TRABD2B: variants seen among roughly 807,000 people sequenced by gnomAD.
The protein encoded by TRABD2B is TraB domain containing 2B.
Under a neutral mutation model 40.1 loss-of-function variants are expected in TRABD2B, and 14 were observed. The ratio of observed to expected loss-of-function variants is 0.35; its 90% CI spans 0.23 to 0.55. TRABD2B has a LOEUF of 0.55. TRABD2B is among the 20% of genes least tolerant of loss of function. The pLI, the probability that TRABD2B is intolerant of heterozygous loss-of-function variation, is 0.90. For synonymous variants in TRABD2B, 263 were observed against 277.0 expected (o/e 0.95, Z 0.50); for missense variants, 541 against 648.6 (o/e 0.83, Z 1.80).
intron 2 of TRABD2B, among the ~76,000 whole-genome samples, chr1:47,815,018 C>T (rs1039757331): frequency 6.6e-6 from 1 of 152,138 alleles, no homozygotes; most frequent in African/African-American, 2.4e-5. Context: ...GAGAGGGCAG[C>T]AAAGTGCCCA....
intron 2 of TRABD2B, among the ~76,000 whole-genome samples, chr1:47,856,775 C>T (rs1163805909): frequency 6.6e-6 from 1 of 152,236 alleles, no homozygotes; most frequent in Non-Finnish European, 1.5e-5. Flanking sequence ...CCCACAAACT[C>T]TTTTTATCCC....
At chr1:47,775,560 G>T in intron 5 of TRABD2B, 121 bp from the exon 6 acceptor site, 1 of 1,043,864 alleles carries the variant, frequency 9.6e-7, no homozygotes, top group Non-Finnish European at 1.2e-6. Flanking sequence ...GGGTGCCCCT[G>T]CTGGGCCCGG....
At chr1:47,990,741 A>G (rs959306222) in intron 2 of TRABD2B, among the ~76,000 whole-genome samples, 1 of 133,732 alleles carries the variant, frequency 7.5e-6, no homozygotes, top group Non-Finnish European at 1.6e-5. Context: ...CCAAGATTAT[A>G]TACAAGTTGT....
chr1:47,888,907 CTTG>C (rs1410528869), intron 2 of TRABD2B, among the ~76,000 whole-genome samples: 1 of 152,188 alleles, frequency 6.6e-6, no homozygotes, highest in Non-Finnish European at 1.5e-5. Flanking sequence ...ATGATGGGGG[CTTG>C]TTGTCACAAC....
intron 2 of TRABD2B, among the ~76,000 whole-genome samples, chr1:47,904,120 C>T (rs967853042): frequency 6.6e-6 from 1 of 152,178 alleles, no homozygotes; most frequent in Non-Finnish European, 1.5e-5. Flanking sequence ...TAACAGGGCA[C>T]TGATTGTGAG....
chr1:47,786,551 G>C (rs1644598170), intron 4 of TRABD2B, among the ~76,000 whole-genome samples: 1 of 152,270 alleles, frequency 6.6e-6, no homozygotes, highest in Non-Finnish European at 1.5e-5. Flanking sequence ...CCAGTTGCCA[G>C]ATGCATGCGT....
At chr1:47,794,544 C>T in intron 4 of TRABD2B, 42 bp downstream of exon 4, 9 of 1,482,158 alleles carry the variant, frequency 6.1e-6, no homozygotes, top group Non-Finnish European at 8.1e-6. Flanking sequence ...AGCAAATCTC[C>T]CAGGATTCTG....
chr1:47,909,814 T>TCCCTCCCTC (rs1557651492), intron 2 of TRABD2B, among the ~76,000 whole-genome samples: 1 of 27,330 alleles, frequency 3.7e-5, no homozygotes, highest in Non-Finnish European at 6.9e-5. Flanking sequence ...CTCCCTTCCT[T>TCCCTCCCTC]CCTTCCTTCC....
At chr1:47,910,384 A>C (rs1644746269) in intron 2 of TRABD2B, among the ~76,000 whole-genome samples, 1 of 152,206 alleles carries the variant, frequency 6.6e-6, no homozygotes, top group East Asian at 1.9e-4. Flanking sequence ...AGCCAGGATC[A>C]GGGACTCCTC....
At chr1:47,873,447 A>G (rs1644173381) in intron 2 of TRABD2B, among the ~76,000 whole-genome samples, 1 of 152,140 alleles carries the variant, frequency 6.6e-6, no homozygotes, top group African/African-American at 2.4e-5. Context: ...CTCACTGTCT[A>G]AAGAGCTCCA....
At chr1:47,822,118 A>C (rs961751622) in intron 2 of TRABD2B, among the ~76,000 whole-genome samples, 1 of 150,118 alleles carries the variant, frequency 6.7e-6, no homozygotes, top group Non-Finnish European at 1.5e-5. Context: ...AAATAGATGC[A>C]CACAGACCTC....
intron 2 of TRABD2B, among the ~76,000 whole-genome samples, chr1:47,824,485 C>T (rs1364007842): frequency 2.0e-5 from 3 of 152,198 alleles, no homozygotes; most frequent in Admixed American, 6.5e-5. Flanking sequence ...ATGGGGTTAA[C>T]ACACCCACTT....
At chr1:47,787,625 T>C (rs780630134) in intron 4 of TRABD2B, among the ~76,000 whole-genome samples, 7 of 152,194 alleles carry the variant, frequency 4.6e-5, no homozygotes, top group Non-Finnish European at 8.8e-5. Flanking sequence ...CCTGTCAATC[T>C]AGCCTCAGCT....
chr1:47,791,530 C>T (rs1050985316), intron 4 of TRABD2B, among the ~76,000 whole-genome samples: 2 of 152,166 alleles, frequency 1.3e-5, no homozygotes, highest in Non-Finnish European at 2.9e-5. Flanking sequence ...TATTTGGGAC[C>T]TGGCAGGCAA....
intron 2 of TRABD2B, among the ~76,000 whole-genome samples, chr1:47,910,449 A>G (rs557042578): frequency 6.6e-6 from 1 of 152,240 alleles, no homozygotes; most frequent in African/African-American, 2.4e-5. Flanking sequence ...TATTTGCTGA[A>G]CGGAAACAGT....
At chr1:47,788,907 T>A (rs1644632765) in intron 4 of TRABD2B, among the ~76,000 whole-genome samples, 1 of 152,110 alleles carries the variant, frequency 6.6e-6, no homozygotes, top group African/African-American at 2.4e-5. Context: ...CTCATTCTAG[T>A]CCAGGAAAAA....
chr1:47,990,772 TA>T (rs1645993574), intron 2 of TRABD2B, among the ~76,000 whole-genome samples: 2 of 3,102 alleles, frequency 6.4e-4, no homozygotes, highest in African/African-American at 1.1e-3. Context: ...ACGTTGGTTT[TA>T]TATATATATA....
At position 47,994,512 on chromosome 1, in the gene TRABD2B, CG is replaced by C; in HGVS notation, c.187del (p.Arg63AlafsTer59). 6.5e-7 allele frequency: 1 copy of C among 1,536,122 alleles called. No individual in the cohort carries two copies. The highest frequency in any genetic ancestry group is 8.7e-7 in the Non-Finnish European group (1 of 1,146,912). On this transcript the variant is annotated frameshift_variant, in exon 2 of 7. Transcript: ENST00000606738. LOFTEE classifies it high-confidence loss of function. The surrounding 1 kb of genome is among the most constrained non-coding windows in gnomAD (Gnocchi z 6.7). ...LFGTIHVPYTRVWDFIPDNSK... is the reference protein window; with the variant it reads ...LFGTIHVPYTXVWDFIPDNSK... ...GTTGTCCGGGATGAAGTCCCAGACG[CG>C]GGTGTAGGGGACGTGAATAGTGCCA...
At chr1:47,877,771 T>C (rs1330801200) in intron 2 of TRABD2B, among the ~76,000 whole-genome samples, 1 of 152,184 alleles carries the variant, frequency 6.6e-6, no homozygotes, top group Non-Finnish European at 1.5e-5. Flanking sequence ...CAGCTACTGG[T>C]GGACTGCCTG....
Sources: gnomAD v4.1 joint callset for allele counts (sites outside exome capture counted in the v4.1 genomes callset) on GRCh38, gnomAD v4.1.1 for gene constraint, Gnocchi (gnomAD v3.1) non-coding constraint, MANE v1.5 for transcripts, NCBI Gene and HGNC (gene_info 2026-07-23, HGNC 2026-07-21) for gene names.